STXBP3: variants seen among roughly 807,000 people sequenced by gnomAD.
The protein encoded by STXBP3 is syntaxin binding protein 3.
A neutral mutation model predicts 85.7 loss-of-function variants in STXBP3; 41 were observed. That is an observed-to-expected ratio of 0.48 (90% CI 0.37 to 0.62). STXBP3 has a LOEUF of 0.62. Ranked by LOEUF, STXBP3 falls within the 20% of genes least tolerant of loss-of-function variation. The pLI is 0.00. For synonymous variants in STXBP3, 229 were observed against 231.7 expected (o/e 0.99, Z 0.10); for missense variants, 563 against 703.1 (o/e 0.80, Z 2.25).
chr1:108,765,591 T>TTTTTTTTTTTTTTTTTTTTC (rs796642937), intron 6 of STXBP3, among the ~76,000 whole-genome samples: 3 of 122,654 alleles, frequency 2.4e-5, no homozygotes, highest in African/African-American at 3.1e-5. Flanking sequence ...TTTTTTTTTT[T>TTTTTTTTTTTTTTTTTTTTC]TGAGACGGAG....
In STXBP3 at chr1:108,807,218, A is replaced by G. The variant is rs533939798; in HGVS notation, c.1536-183A>G. 2.8e-3 allele frequency among the ~76,000 whole-genome samples: 408 copies of G among 147,856 alleles called. 8 individuals carry two copies. Among genetic ancestry groups the G allele is most frequent in the Non-Finnish European group, 1.7e-3 (113 of 67,500 alleles). On this transcript the variant is annotated intron_variant, in intron 17 of 18. Transcript: ENST00000370008. ...GGTTGCAGTGAACCAAGATCGCTCCACTGCAGTCCAGCCTGGGCTACAAAG... is the reference window on the plus strand; with the variant it reads ...GGTTGCAGTGAACCAAGATCGCTCCGCTGCAGTCCAGCCTGGGCTACAAAG...
At chr1:108,774,322 C>T (rs1202172005) in intron 7 of STXBP3, among the ~76,000 whole-genome samples, 2 of 152,128 alleles carry the variant, frequency 1.3e-5, no homozygotes, top group African/African-American at 2.4e-5. Flanking sequence ...ATCTGTAAAG[C>T]ATTCAGCACT....
intron 17 of STXBP3, among the ~76,000 whole-genome samples, chr1:108,805,151 A>C (rs1663302330): frequency 6.6e-6 from 1 of 152,184 alleles, no homozygotes. Flanking sequence ...TGCTATTCAG[A>C]AGCTTAGAAA....
chr1:108,758,358 A>G lies in STXBP3; in HGVS notation c.259-152A>G, dbSNP rs142859295. ...TATTAGCTATCACTGGCTGGAGAAC[A>G]TAGCATCTTAAAAAATCAGTTTATA... is the stretch of plus-strand genomic sequence containing the variant. On this transcript the variant is annotated intron_variant, in intron 4 of 18. Coordinates refer to ENST00000370008, the MANE Select transcript of STXBP3 (RefSeq NM_007269.4). 648 of 391,772 alleles carry G rather than the reference A, an allele frequency of 1.7e-3. 4 individuals carry two copies. Among genetic ancestry groups the G allele is most frequent in the African/African-American group, 0.013 (605 of 47,540 alleles). The allele number at this position is 391,772 out of a possible 1,614,324, so 24.3% of individuals were successfully genotyped here. A position where few individuals can be genotyped will look rare whatever the true frequency, so the allele number is the denominator to read the frequency against.
chr1:108,752,172 A>AT, intron 1 of STXBP3, 85 bp from the exon 2 acceptor site: 1 of 1,275,686 alleles, frequency 7.8e-7, no homozygotes, highest in Non-Finnish European at 1.1e-6. Flanking sequence ...TTCAAATTGG[A>AT]TTTTTCCTTA....
At position 108,807,498 on chromosome 1, in the gene STXBP3, C is replaced by G; in HGVS notation, c.1633C>G (p.Arg545Gly). 1 of 1,611,690 alleles carries G rather than the reference C, an allele frequency of 6.2e-7. No individual in the cohort carries two copies. Among genetic ancestry groups the G allele is most frequent in the Non-Finnish European group, 8.5e-7 (1 of 1,179,544 alleles). Reference sequence around the variant, plus strand: ...TGGAGGGATCACATACTCTGAAGTGCGTTGTGCTTATGAAGTTTCTCAGGC... The same window carrying G: ...TGGAGGGATCACATACTCTGAAGTGGGTTGTGCTTATGAAGTTTCTCAGGC... ...VIGGITYSEV[R>G]CAYEVSQAHK... The change falls in exon 18 of 19, where the codon CGT becomes GGT. Residue 545 changes from arginine to glycine, a missense_variant. Around this residue, in one of 3 missense-constraint regions of STXBP3, gnomAD observed 494 missense variants for 592.8 expected, o/e 0.83. Transcript: ENST00000370008.
chr1:108,773,567 C>T (rs1433901120), intron 7 of STXBP3, among the ~76,000 whole-genome samples: 1 of 152,086 alleles, frequency 6.6e-6, no homozygotes, highest in Non-Finnish European at 1.5e-5. Flanking sequence ...TATTCTAGTT[C>T]AGGCTCATTA....
At chr1:108,766,803 G>T in intron 6 of STXBP3, 2 of 253,282 alleles carry the variant, frequency 7.9e-6, no homozygotes, top group South Asian at 9.9e-5. Context: ...CCTCCAAATT[G>T]ACTCTTAACA....
chr1:108,797,351 CA>C (rs1183738175), intron 15 of STXBP3, among the ~76,000 whole-genome samples: 16 of 125,846 alleles, frequency 1.3e-4, no homozygotes, highest in Non-Finnish European at 2.1e-4. Context: ...AAAAAAAAAA[CA>C]AAAAAAAAAG....
chr1:108,807,672 G>T, intron 18 of STXBP3, 123 bp downstream of exon 18: 1 of 946,868 alleles, frequency 1.1e-6, no homozygotes, highest in Non-Finnish European at 1.5e-6. Context: ...CGCCTCCCAG[G>T]TTCAAGCGAT....
chr1:108,782,146 A>AT (rs905612646), intron 9 of STXBP3: 7 of 310,586 alleles, frequency 2.3e-5, no homozygotes, highest in South Asian at 1.3e-4. Context: ...AGGACGTTGA[A>AT]TTTTTTTTAT....
intron 17 of STXBP3, 29 bp from the exon 18 acceptor site, chr1:108,807,372 T>G: frequency 1.3e-6 from 2 of 1,589,074 alleles, no homozygotes; most frequent in Non-Finnish European, 8.5e-7. Context: ...ATAACATGTT[T>G]ACTTTTTTTT....
chr1:108,750,994 T>G (rs1436201609), intron 1 of STXBP3, among the ~76,000 whole-genome samples: 1 of 152,248 alleles, frequency 6.6e-6, no homozygotes, highest in East Asian at 1.9e-4. Flanking sequence ...GTTGGGTGTC[T>G]CACCCTCCTG....
chr1:108,771,415 T>TAA (rs1241368554), intron 6 of STXBP3, among the ~76,000 whole-genome samples: 1 of 121,568 alleles, frequency 8.2e-6, no homozygotes, highest in Non-Finnish European at 1.7e-5. Flanking sequence ...TCTATATATA[T>TAA]AATATATAAA....
chr1:108,805,583 C>T (rs1663312550), intron 17 of STXBP3, among the ~76,000 whole-genome samples: 1 of 152,106 alleles, frequency 6.6e-6, no homozygotes, highest in African/African-American at 2.4e-5. Context: ...CGCCACCATG[C>T]CCAGCTAATT....
chr1:108,749,625 G>T (rs1057025089), intron 1 of STXBP3, among the ~76,000 whole-genome samples: 1 of 152,188 alleles, frequency 6.6e-6, no homozygotes, highest in Non-Finnish European at 1.5e-5. Flanking sequence ...TTGTTGATAT[G>T]ATTTCCTTTG....
chr1:108,781,033 A>G (rs1396844245), intron 9 of STXBP3: 1 of 151,972 alleles, frequency 6.6e-6, no homozygotes, highest in Non-Finnish European at 1.5e-5. Context: ...CTCCCAACTA[A>G]ATTTACTTTT....
chr1:108,756,894 A>G (rs1471025905), intron 4 of STXBP3, 128 bp downstream of exon 4: 1 of 559,324 alleles, frequency 1.8e-6, no homozygotes, highest in Non-Finnish European at 2.8e-6. Flanking sequence ...TAGTTTGCTT[A>G]GGAAAGTTTT....
chr1:108,785,459 A>G (rs1405070000), intron 11 of STXBP3, among the ~76,000 whole-genome samples: 3 of 152,142 alleles, frequency 2.0e-5, no homozygotes, highest in Non-Finnish European at 2.9e-5. Flanking sequence ...ACAAAGCGGC[A>G]AGGCTCTGAG....
Sources: allele counts gnomAD v4.1 joint callset (sites outside exome capture counted in the v4.1 genomes callset), GRCh38; gene constraint gnomAD v4.1.1; regional missense constraint gnomAD v4.1.1; transcripts MANE v1.5; gene names NCBI Gene and HGNC (gene_info 2026-07-23, HGNC 2026-07-21).